Variants in RGL1 observed in about 807,000 individuals in gnomAD.
RGL1 encodes the protein ral guanine nucleotide dissociation stimulator like 1.
RGL1 carries 24 observed loss-of-function variants against 95.2 expected under a neutral mutation model. That is an observed-to-expected ratio of 0.25 (90% confidence interval 0.18 to 0.35). The LOEUF is 0.35. RGL1 is among the 10% of genes least tolerant of loss of function. The pLI is 1.00. For missense variants in RGL1, 715 were observed against 936.3 expected (o/e 0.76, Z 3.08); for synonymous variants, 329 against 344.9 (o/e 0.95, Z 0.51).
rs1558301995 is a variant in RGL1, at chr1:183,928,131, G to A, written c.*1839G>A. 6.6e-6 allele frequency: 1 copy of A among 151,540 alleles called. No homozygotes were observed. The highest frequency in any genetic ancestry group is 1.5e-5 in the Non-Finnish European group (1 of 67,904). 9.4% of individuals were successfully genotyped at this position (151,540 alleles called of 1,614,324 possible). ...AGCCCTCATGCAGGTTGAAGTATATGTAGCCTCAGCCTGATATTCTTGGTG... is the reference window on the plus strand; with the variant it reads ...AGCCCTCATGCAGGTTGAAGTATATATAGCCTCAGCCTGATATTCTTGGTG... On this transcript the variant is annotated 3_prime_UTR_variant, in exon 18 of 18. Coordinates refer to ENST00000360851, the MANE Select transcript of RGL1 (RefSeq NM_001297671.3).
intron 1 of RGL1, among the ~76,000 whole-genome samples, chr1:183,705,625 G>A (rs141483446): frequency 4.2e-4 from 64 of 152,300 alleles, no homozygotes; most frequent in African/African-American, 1.5e-3. Context: ...GGGAATCAGG[G>A]TGTAAAGGAA....
chr1:183,891,589 C>T (rs1228100988), intron 8 of RGL1, among the ~76,000 whole-genome samples: 1 of 152,076 alleles, frequency 6.6e-6, no homozygotes, highest in Non-Finnish European at 1.5e-5. Context: ...GCCTGTGAGC[C>T]AGAAAATTTG....
At chr1:183,757,273 A>G (rs146860299) in intron 2 of RGL1, among the ~76,000 whole-genome samples, 1 of 152,316 alleles carries the variant, frequency 6.6e-6, no homozygotes, top group Non-Finnish European at 1.5e-5. Context: ...AGGAGGAAAT[A>G]GTAAGTGTTC....
chr1:183,699,529 C>T (rs1282412569), intron 1 of RGL1, among the ~76,000 whole-genome samples: 1 of 152,168 alleles, frequency 6.6e-6, no homozygotes, highest in Non-Finnish European at 1.5e-5. Context: ...ATCCTATTGT[C>T]TGAAGATTCT....
rs771008118 is a variant in RGL1, at chr1:183,805,368, G to C, written c.27+44G>C. On this transcript the variant is annotated intron_variant, in intron 1 of 17. Transcript: ENST00000360851. ...CTTCTCCCGAGGCTTCTCTGGTGGG[G>C]AATCTTCTCCCGCTTTCGCTGGGCG... 3 of 1,555,810 alleles carry C rather than the reference G, an allele frequency of 1.9e-6. No homozygotes were observed. In the East Asian group the frequency reaches 6.7e-5, roughly 35 times the overall value.
At chr1:183,875,019 C>T (rs1386379465) in intron 4 of RGL1, among the ~76,000 whole-genome samples, 2 of 152,158 alleles carry the variant, frequency 1.3e-5, no homozygotes, top group East Asian at 3.9e-4. Flanking sequence ...GCTTGAAAGG[C>T]CCACCGTCTG....
At chr1:183,866,337 C>T (rs1665837719) in intron 4 of RGL1, among the ~76,000 whole-genome samples, 1 of 152,046 alleles carries the variant, frequency 6.6e-6, no homozygotes, top group African/African-American at 2.4e-5. Flanking sequence ...ACAGTCCCAG[C>T]TCATAAAAAG....
chr1:183,755,925 C>T (rs1558189956), intron 2 of RGL1, among the ~76,000 whole-genome samples: 1 of 151,326 alleles, frequency 6.6e-6, no homozygotes, highest in Non-Finnish European at 1.5e-5. Context: ...CTCTTGTTGC[C>T]CAGGCTGGAG....
intron 2 of RGL1, among the ~76,000 whole-genome samples, chr1:183,814,483 G>A (rs1018538774): frequency 6.6e-5 from 10 of 152,106 alleles, no homozygotes; most frequent in Non-Finnish European, 1.5e-5. Flanking sequence ...AATTGCTTAT[G>A]CCATCTGTGG....
At chr1:183,915,470 G>A (rs2102740781) in intron 15 of RGL1, among the ~76,000 whole-genome samples, 1 of 152,274 alleles carries the variant, frequency 6.6e-6, no homozygotes, top group East Asian at 1.9e-4. Context: ...AATCAGAAAA[G>A]CATATTAACT....
rs1033757003 is a variant in RGL1, at chr1:183,856,247, CA to C, written c.347+8480del. The stretch of plus-strand genomic sequence containing the variant: ...GTCTGGGTGTTGATGACTTCCTAGG[CA>C]AAAAAACCCAAAAAAACTTGGATGG... On this transcript the variant is annotated intron_variant, in intron 3 of 17. Coordinates refer to ENST00000360851, the MANE Select transcript of RGL1 (RefSeq NM_001297671.3). Among the ~76,000 whole-genome samples, 498 of 151,088 alleles carry C rather than the reference CA, an allele frequency of 3.3e-3. 3 individuals are homozygous for C. Among genetic ancestry groups the C allele is most frequent in the African/African-American group, 0.011 (440 of 41,130 alleles).
chr1:183,888,669 T>C, intron 8 of RGL1, 92 bp downstream of exon 8: 1 of 754,648 alleles, frequency 1.3e-6, no homozygotes, highest in African/African-American at 1.7e-5. Flanking sequence ...ATCGCATAAC[T>C]AGAGAAACAT....
intron 1 of RGL1, among the ~76,000 whole-genome samples, chr1:183,725,871 G>A: frequency 6.6e-6 from 1 of 152,116 alleles, no homozygotes; most frequent in Non-Finnish European, 1.5e-5. Flanking sequence ...TTCTTTTCTA[G>A]TGCAGTGGAG....
intron 1 of RGL1, among the ~76,000 whole-genome samples, chr1:183,660,658 A>G (rs565819617): frequency 1.3e-5 from 2 of 151,640 alleles, no homozygotes; most frequent in African/African-American, 2.4e-5. Context: ...ACGAGACAGA[A>G]AGTTAACAAG....
chr1:183,925,924 A>T (rs984662852), intron 17 of RGL1, among the ~76,000 whole-genome samples, 181 bp from the exon 18 acceptor site: 5 of 152,074 alleles, frequency 3.3e-5, no homozygotes, highest in African/African-American at 1.2e-4. Flanking sequence ...TTAAATTGGG[A>T]TTGAGAAGCT....
chr1:183,689,373 C>T (rs1653806363), intron 1 of RGL1, among the ~76,000 whole-genome samples: 1 of 152,156 alleles, frequency 6.6e-6, no homozygotes, highest in South Asian at 2.1e-4. Context: ...TATCTTCATG[C>T]ATTTGTGTCT....
intron 2 of RGL1, among the ~76,000 whole-genome samples, chr1:183,842,796 C>T (rs529901685): frequency 1.1e-3 from 171 of 152,314 alleles, no homozygotes; most frequent in African/African-American, 4.1e-3. Context: ...CCACCCCTTT[C>T]GTCTTCAACT....
At chr1:183,870,341 GTGTCTTCCGGCCAGGGTAGT>G (rs1666101101) in intron 4 of RGL1, among the ~76,000 whole-genome samples, 1 of 104,810 alleles carries the variant, frequency 9.5e-6, no homozygotes, top group East Asian at 2.4e-4. Flanking sequence ...GCCAGGGTAG[GTGTCTTCCGGCCAGGGTAGT>G]TGTCTTCCGG....
intron 1 of RGL1, among the ~76,000 whole-genome samples, chr1:183,719,570 A>C (rs1655862893): frequency 6.6e-6 from 1 of 152,120 alleles, no homozygotes; most frequent in Non-Finnish European, 1.5e-5. Flanking sequence ...GAAGAAGTAA[A>C]TATTTGCAAA....
Sources: gnomAD v4.1 joint callset for allele counts (sites outside exome capture counted in the v4.1 genomes callset) on GRCh38, gnomAD v4.1.1 for gene constraint, MANE v1.5 for transcripts, NCBI Gene and HGNC (gene_info 2026-07-23, HGNC 2026-07-21) for gene names.